The following FNDC4 variants were observed in gnomAD, a reference collection of about 807,000 sequenced individuals.
FNDC4 encodes fibronectin type III domain containing 4, also known as fibronectin type III domain-containing protein 4.
Under a neutral mutation model 25.1 loss-of-function variants are expected in FNDC4, and 11 were observed. That is an observed-to-expected ratio of 0.44 (90% CI 0.28 to 0.73). The LOEUF is 0.73. Ranked by LOEUF, FNDC4 falls within the 30% of genes least tolerant of loss-of-function variation. The probability of loss-of-function intolerance (pLI) is 0.16; values close to 1 mark genes in which losing one functional copy is unlikely to be tolerated. For missense variants in FNDC4, 250 were observed against 304.3 expected (o/e 0.82, Z 1.33); for synonymous variants, 136 against 118.8 (o/e 1.14, Z -0.94).
In FNDC4 at chr2:27,493,259, G is replaced by T. The variant is rs946136922; in HGVS notation, c.544+130C>A. 4 of 714,014 alleles carry T rather than the reference G, an allele frequency of 5.6e-6. No individual in the cohort carries two copies. The Admixed American group carries it at 7.4e-5, about 13-fold the overall frequency. The allele number at this position is 714,014 out of a possible 1,614,324, so 44.2% of individuals were successfully genotyped here. The stretch of plus-strand genomic sequence containing the variant: ...ACTCCTGACCTCAGGTGATCTGCCT[G>T]CCTTGGCCTCCCAAAGTGCTGGGAT... On this transcript the variant is annotated intron_variant, in intron 5 of 6. Coordinates refer to ENST00000264703, the MANE Select transcript of FNDC4 (RefSeq NM_022823.3).
In FNDC4 at chr2:27,493,960, C is replaced by G. The variant is rs777045269; in HGVS notation, c.424G>C (p.Asp142His). 1.9e-6 allele frequency: 3 copies of G among 1,614,248 alleles called. No individual in the cohort carries two copies. The East Asian group carries it at 6.7e-5, about 36-fold the overall frequency. ...RVHFRTLKGS[D>H]RLPSNSSSPG... ...CTTGAACTGTTTGAAGGTAGCCGGT[C>G]AGAACCCTTGAGAGTTCGGAAGTGC... is the stretch of plus-strand genomic sequence containing the variant. The change falls in exon 4 of 7, where the codon GAC becomes CAC. Residue 142 changes from aspartate (D) to histidine (H), a missense_variant. By Grantham distance (81) the Asp-to-His change is moderately conservative. Coordinates refer to ENST00000264703, the MANE Select transcript of FNDC4 (RefSeq NM_022823.3).
chr2:27,492,680 C>G lies in FNDC4; in HGVS notation c.655G>C (p.Val219Leu), dbSNP rs879127822. The part of the protein sequence containing the change: ...GPEQSPQGRP[V>L]GTRQKKSPSI... ...CCCCACATCACCTGTCTTGTCCCCA[C>G]TGGCCTTCCCTGAGGACTCTGTTCC... Residue 219 changes from valine to leucine, a missense_variant, in exon 6 of 7, where the codon GTG becomes CTG. Coordinates refer to ENST00000264703, the MANE Select transcript of FNDC4 (RefSeq NM_022823.3). The surrounding 1 kb of genome is among the most constrained non-coding windows in gnomAD (Gnocchi z 4.1). 1 of 1,614,182 alleles carries G rather than the reference C, an allele frequency of 6.2e-7. No homozygotes were observed. The highest frequency in any genetic ancestry group is 2.2e-5 in the East Asian group (1 of 44,856).
chr2:27,494,274 A>G lies in FNDC4; in HGVS notation c.249+77T>C. 1 of 1,430,724 alleles carries G rather than the reference A, an allele frequency of 7.0e-7. No homozygotes were observed. The highest frequency in any genetic ancestry group is 9.8e-7 in the Non-Finnish European group (1 of 1,023,048). 88.6% of individuals were successfully genotyped at this position (1,430,724 alleles called of 1,614,324 possible). A position where few individuals can be genotyped will look rare whatever the true frequency, so the allele number is the denominator to read the frequency against. On this transcript the variant is annotated intron_variant, in intron 3 of 6. Transcript: ENST00000264703. This position sits in a 1 kb window ranked among gnomAD's most constrained non-coding sequence, Gnocchi z 4.6. ...CCTGAGCCAGGATACGCCAGCTTCC[A>G]GATCCCCCCCACTTAAGTGAAGAAA... is the stretch of plus-strand genomic sequence containing the variant.
chr2:27,494,085 G>C lies in FNDC4; in HGVS notation c.299C>G (p.Thr100Ser). 6.2e-7 allele frequency: 1 copy of C among 1,614,216 alleles called. No individual in the cohort carries two copies. Among genetic ancestry groups the C allele is most frequent in the South Asian group, 1.1e-5 (1 of 91,092 alleles). Reference sequence around the variant, plus strand: ...CAGGCCCCAGAGGGCACAGGCCCGGGTGGTGGTGTTCACCTCCCGAATCAC... The same window carrying C: ...CAGGCCCCAGAGGGCACAGGCCCGGCTGGTGGTGTTCACCTCCCGAATCAC... ...QRVIREVNTT[T>S]RACALWGLAE... Residue 100 changes from threonine to serine, a missense_variant, in exon 4 of 7, where the codon ACC becomes AGC. Transcript: ENST00000264703. This position sits in a 1 kb window ranked among gnomAD's most constrained non-coding sequence, Gnocchi z 4.6.
rs1669330310 is a variant in FNDC4, at chr2:27,494,389, C to G, written c.211G>C (p.Glu71Gln). 6.2e-7 allele frequency: 1 copy of G among 1,614,212 alleles called. No homozygotes were observed. The highest frequency in any genetic ancestry group is 8.5e-7 in the Non-Finnish European group (1 of 1,180,020). Residue 71 changes from glutamate to glutamine, a missense_variant, in exon 3 of 7, where the codon GAA (glutamate) becomes CAA (glutamine). Physicochemically the swap from Glu to Gln is conservative, Grantham distance 29 (BLOSUM62 2). Transcript: ENST00000264703. The surrounding 1 kb of genome is among the most constrained non-coding windows in gnomAD (Gnocchi z 4.6). Reference sequence around the variant, plus strand: ...GAGTAGCCAATGACGATGTTGCCTTCTGGGACGTCCCAGGACACAGTGGCC... The same window carrying G: ...GAGTAGCCAATGACGATGTTGCCTTGTGGGACGTCCCAGGACACAGTGGCC... Reference protein sequence around the residue: ...NSATVSWDVPEGNIVIGYSIS... With the variant: ...NSATVSWDVPQGNIVIGYSIS...
rs1669274147 is a variant in FNDC4, at chr2:27,492,226, C to T, written c.*217G>A. ...GACCGGGGAATGGAAGGAGATATCC[C>T]ATCTGATATCCACTCCCCAGGTCCA... On this transcript the variant is annotated 3_prime_UTR_variant, in exon 7 of 7. Coordinates refer to ENST00000264703, the MANE Select transcript of FNDC4 (RefSeq NM_022823.3). This position sits in a 1 kb window ranked among gnomAD's most constrained non-coding sequence, Gnocchi z 4.1. 4.9e-6 allele frequency: 3 copies of T among 610,830 alleles called. No individual in the cohort carries two copies. The highest frequency in any genetic ancestry group is 2.9e-6 in the Non-Finnish European group (1 of 341,512). 37.8% of individuals were successfully genotyped at this position (610,830 alleles called of 1,614,324 possible). A position where few individuals can be genotyped will look rare whatever the true frequency, so the allele number is the denominator to read the frequency against.
At position 27,492,833 on chromosome 2, in the gene FNDC4, C is replaced by T. The variant is rs1320946039; in HGVS notation, c.545-43G>A. 3.7e-6 allele frequency: 6 copies of T among 1,612,186 alleles called. No individual in the cohort carries two copies. The East Asian group carries it at 8.9e-5, about 24-fold the overall frequency. ...CTGAGCCTTCATCTCCACTTCCCCC[C>T]TCATAGGGAGATACCTACGTAGCTT... On this transcript the variant is annotated intron_variant, in intron 5 of 6. Coordinates refer to ENST00000264703, the MANE Select transcript of FNDC4 (RefSeq NM_022823.3). This position sits in a 1 kb window ranked among gnomAD's most constrained non-coding sequence, Gnocchi z 4.1.
Position 27,493,414 on chromosome 2 carries a change from AATG to A in FNDC4, c.516_518del (p.Ile173del), listed in dbSNP as rs750927309. 5 of 1,613,642 alleles carry A rather than the reference AATG, an allele frequency of 3.1e-6. No homozygotes were observed. Among genetic ancestry groups the A allele is most frequent in the Non-Finnish European group, 2.5e-6 (3 of 1,179,786 alleles). On this transcript the variant is annotated inframe_deletion, in exon 5 of 7. Coordinates refer to ENST00000264703, the MANE Select transcript of FNDC4 (RefSeq NM_022823.3). ...CAGCCCACATGAGCAACACCACCAC[AATG>A]ATGACCACTTCCCCAGTCTGCAGTG... is the stretch of plus-strand genomic sequence containing the variant.
At position 27,492,344 on chromosome 2, in the gene FNDC4, C is replaced by A; in HGVS notation, c.*99G>T. On this transcript the variant is annotated 3_prime_UTR_variant, in exon 7 of 7. Coordinates refer to ENST00000264703, the MANE Select transcript of FNDC4 (RefSeq NM_022823.3). The surrounding 1 kb of genome is among the most constrained non-coding windows in gnomAD (Gnocchi z 4.1). Reference sequence around the variant, plus strand: ...CCTGAGATTGTGGGAGTGGCATTACCCTCTGGGAGTCTCGGGCAGATCACC... The same window carrying A: ...CCTGAGATTGTGGGAGTGGCATTACACTCTGGGAGTCTCGGGCAGATCACC... 1 of 1,441,362 alleles carries A rather than the reference C, an allele frequency of 6.9e-7. No homozygotes were observed. Among genetic ancestry groups the A allele is most frequent in the South Asian group, 1.1e-5 (1 of 87,452 alleles). The allele number at this position is 1,441,362 out of a possible 1,614,324, so 89.3% of individuals were successfully genotyped here. A position where few individuals can be genotyped will look rare whatever the true frequency, so the allele number is the denominator to read the frequency against.
rs1669281332 is a variant in FNDC4, at chr2:27,492,546, T to TC, written c.670-69dup. On this transcript the variant is annotated intron_variant, in intron 6 of 6. Transcript: ENST00000264703. The surrounding 1 kb of genome is among the most constrained non-coding windows in gnomAD (Gnocchi z 4.1). ...TAGGTGCCACCCTTTCTCTCCAGCC[T>TC]CCCCCATCCCAGATCTTCCATTCTC... 6.3e-7 allele frequency: 1 copy of TC among 1,589,542 alleles called. No individual in the cohort carries two copies. Among genetic ancestry groups the TC allele is most frequent in the African/African-American group, 1.3e-5 (1 of 74,334 alleles).
chr2:27,492,738 G>A lies in FNDC4; in HGVS notation c.597C>T (p.Ser199=). ...TTCCCTTCTCCTTGGGATTGTTGTT[G>A]GAGTCATTGTCCTTGATGATGTCAT... is the stretch of plus-strand genomic sequence containing the variant. ...RQYDIIKDND[S]NNNPKEKGKG... is the part of the protein sequence containing the mutation. Residue 199 remains serine, a synonymous_variant, in exon 6 of 7, where the codon TCC becomes TCT. Transcript: ENST00000264703. The surrounding 1 kb of genome is among the most constrained non-coding windows in gnomAD (Gnocchi z 4.1). 6.2e-7 allele frequency: 1 copy of A among 1,614,026 alleles called. No individual in the cohort carries two copies. Among genetic ancestry groups the A allele is most frequent in the Non-Finnish European group, 8.5e-7 (1 of 1,179,984 alleles).
rs558886580 is a variant in FNDC4, at chr2:27,492,204, C to T, written c.*239G>A. 40 of 590,756 alleles carry T rather than the reference C, an allele frequency of 6.8e-5. No individual in the cohort carries two copies. The East Asian group carries it at 6.9e-4, about 10-fold the overall frequency. 36.6% of individuals were successfully genotyped at this position (590,756 alleles called of 1,614,324 possible). A position where few individuals can be genotyped will look rare whatever the true frequency, so the allele number is the denominator to read the frequency against. On this transcript the variant is annotated 3_prime_UTR_variant, in exon 7 of 7. Coordinates refer to ENST00000264703, the MANE Select transcript of FNDC4 (RefSeq NM_022823.3). This position sits in a 1 kb window ranked among gnomAD's most constrained non-coding sequence, Gnocchi z 4.1. ...TACAACTAGTGACTCTCCCCTGGAC[C>T]GGGGAATGGAAGGAGATATCCCATC...
At chr2:27,493,082 C>T (rs1397864994) in intron 5 of FNDC4, among the ~76,000 whole-genome samples, 2 of 148,312 alleles carry the variant, frequency 1.3e-5, no homozygotes, top group Non-Finnish European at 3.0e-5. Context: ...GATCTCGGCT[C>T]GCTCACTGCA....
chr2:27,492,298 G>T lies in FNDC4; in HGVS notation c.*145C>A. On this transcript the variant is annotated 3_prime_UTR_variant, in exon 7 of 7. Coordinates refer to ENST00000264703, the MANE Select transcript of FNDC4 (RefSeq NM_022823.3). The surrounding 1 kb of genome is among the most constrained non-coding windows in gnomAD (Gnocchi z 4.1). ...CCTACCTTCTGGCTCTGCTCACAGT[G>T]GAAAGAGGATGGGTACCAGGCCTGA... 1.0e-6 allele frequency: 1 copy of T among 995,700 alleles called. No individual in the cohort carries two copies. The highest frequency in any genetic ancestry group is 1.6e-6 in the Non-Finnish European group (1 of 630,032). The allele number at this position is 995,700 out of a possible 1,614,324, so 61.7% of individuals were successfully genotyped here. A position where few individuals can be genotyped will look rare whatever the true frequency, so the allele number is the denominator to read the frequency against.
chr2:27,493,304 A>C, intron 5 of FNDC4, 85 bp downstream of exon 5: 9 of 1,051,898 alleles, frequency 8.6e-6, no homozygotes, highest in Non-Finnish European at 1.2e-5. Flanking sequence ...GAGCCACTGT[A>C]TCTCTCACTT....
chr2:27,493,369 C>T lies in FNDC4; in HGVS notation c.544+20G>A. The T allele has an allele frequency of 6.2e-7, 1 of 1,603,140 alleles. No homozygotes were observed. The highest frequency in any genetic ancestry group is 8.5e-7 in the Non-Finnish European group (1 of 1,170,196). On this transcript the variant is annotated intron_variant, in intron 5 of 6. Coordinates refer to ENST00000264703, the MANE Select transcript of FNDC4 (RefSeq NM_022823.3). Reference sequence around the variant, plus strand: ...ACACCTTTACTGAGTCCCTGGTCCCCTGTCTAGCTGCTTACTCACCAGCCC... The same window carrying T: ...ACACCTTTACTGAGTCCCTGGTCCCTTGTCTAGCTGCTTACTCACCAGCCC...
rs1003144153 is a variant in FNDC4, at chr2:27,492,847, C to A, written c.545-57G>T. ...CCACTTCCCCCCTCATAGGGAGATACCTACGTAGCTTCTAGAAAATCCATG... is the reference window on the plus strand; with the variant it reads ...CCACTTCCCCCCTCATAGGGAGATAACTACGTAGCTTCTAGAAAATCCATG... On this transcript the variant is annotated intron_variant, in intron 5 of 6. Transcript: ENST00000264703. This position sits in a 1 kb window ranked among gnomAD's most constrained non-coding sequence, Gnocchi z 4.1. The A allele has an allele frequency of 3.1e-6, 5 of 1,603,216 alleles. No homozygotes were observed. The African/African-American group carries it at 4.0e-5, about 13-fold the overall frequency.
At chr2:27,493,057 G>A (rs1453861671) in intron 5 of FNDC4, among the ~76,000 whole-genome samples, 1 of 140,752 alleles carries the variant, frequency 7.1e-6, no homozygotes, top group Admixed American at 7.5e-5. Context: ...TGCCCAGGCT[G>A]GAGTGCAGTG....
rs1669272410 is a variant in FNDC4, at chr2:27,492,135, T to C, written c.*308A>G. The C allele has an allele frequency of 4.4e-6, 2 of 452,418 alleles. No individual in the cohort carries two copies. Among genetic ancestry groups the C allele is most frequent in the South Asian group, 7.4e-5 (2 of 26,878 alleles). The allele number at this position is 452,418 out of a possible 1,614,324, so 28.0% of individuals were successfully genotyped here. ...CAGCTGGGGATGCTCAGAGTCCTGA[T>C]ACAGGTGAAATGGGGCCCCCATTTG... On this transcript the variant is annotated 3_prime_UTR_variant, in exon 7 of 7. Coordinates refer to ENST00000264703, the MANE Select transcript of FNDC4 (RefSeq NM_022823.3). The surrounding 1 kb of genome is among the most constrained non-coding windows in gnomAD (Gnocchi z 4.1).
Sources: gnomAD v4.1 joint callset for allele counts (sites outside exome capture counted in the v4.1 genomes callset) on GRCh38, gnomAD v4.1.1 for gene constraint, Gnocchi (gnomAD v3.1) non-coding constraint, MANE v1.5 for transcripts, NCBI Gene and HGNC (gene_info 2026-07-23, HGNC 2026-07-21) for gene names.